The following ERVH48-1 variants were observed in gnomAD, a reference collection of about 807,000 sequenced individuals.
ERVH48-1 encodes suppressyn.
A neutral mutation model predicts 2.4 loss-of-function variants in ERVH48-1; 4 were observed. The observed-to-expected ratio is 1.68, with a 90% CI of 0.83 to 3.84. The LOEUF is 3.84. Among genes scored for constraint, ERVH48-1 ranks in the 30% most tolerant of loss-of-function variants. The pLI, the probability that ERVH48-1 is intolerant of heterozygous loss-of-function variation, is 0.01. For synonymous variants in ERVH48-1, 32 were observed against 15.5 expected (o/e 2.06, Z -2.49); for missense variants, 97 against 43.4 (o/e 2.23, Z -3.47).
chr21:42,922,365 C>T (rs1241310366), intron 1 of ERVH48-1, among the ~76,000 whole-genome samples: 1 of 151,710 alleles, frequency 6.6e-6, no homozygotes, highest in Non-Finnish European at 1.5e-5. Flanking sequence ...ACTAGGGGAA[C>T]GTGGGAGTGG....
In ERVH48-1 at chr21:42,923,247, G is replaced by T. The variant is rs553767824; in HGVS notation, c.-286+2099C>A. On this transcript the variant is annotated intron_variant, in intron 1 of 1. Coordinates refer to ENST00000447535, the MANE Select transcript of ERVH48-1 (RefSeq NM_001308491.2). Reference sequence around the variant, plus strand: ...GCAGGTGGCTTGCTAGGAGGCTCCCGTGTGGAGCTGCGGCCCCGTGGGCCT... The same window carrying T: ...GCAGGTGGCTTGCTAGGAGGCTCCCTTGTGGAGCTGCGGCCCCGTGGGCCT... 5.9e-5 allele frequency among the ~76,000 whole-genome samples: 9 copies of T among 152,384 alleles called. No individual in the cohort carries two copies. In the East Asian group the frequency reaches 1.4e-3, roughly 23 times the overall value.
rs779290911 is a variant in ERVH48-1 at position 42,917,495 on chromosome 21, G to C, written c.*1029C>G. On this transcript the variant is annotated 3_prime_UTR_variant, in exon 2 of 2. Coordinates refer to ENST00000447535, the MANE Select transcript of ERVH48-1 (RefSeq NM_001308491.2). ...GGGCTACTTTTCTGATGTTTGAAGCGATTTCCAGAACCTCTTCTCCATTAT... is the reference window on the plus strand; with the variant it reads ...GGGCTACTTTTCTGATGTTTGAAGCCATTTCCAGAACCTCTTCTCCATTAT... The C allele has an allele frequency of 6.6e-6, 1 of 152,162 alleles. No individual in the cohort carries two copies. The highest frequency in any genetic ancestry group is 2.1e-4 in the South Asian group (1 of 4,818). 9.4% of individuals were successfully genotyped at this position (152,162 alleles called of 1,614,324 possible).
chr21:42,918,894 G>A lies in ERVH48-1; in HGVS notation c.113C>T (p.Thr38Ile), dbSNP rs1281983024. 8.3e-6 allele frequency: 4 copies of A among 483,496 alleles called. No individual in the cohort carries two copies. Among genetic ancestry groups the A allele is most frequent in the Admixed American group, 4.7e-5 (2 of 42,602 alleles). The allele number at this position is 483,496 out of a possible 1,614,324, so 30.0% of individuals were successfully genotyped here. A position where few individuals can be genotyped will look rare whatever the true frequency, so the allele number is the denominator to read the frequency against. ...LILSVAVLLS[T>I]AAPPSCRECY... is the part of the protein sequence containing the mutation. ...CTCACGGCAGCTCGGAGGGGCTGCT[G>A]TGGACAGCAGGACAGCTACTGACAG... The change falls in exon 2 of 2, where the codon ACA becomes ATA. Residue 38 changes from threonine to isoleucine, a missense_variant. By Grantham distance (89) the Thr-to-Ile change is moderately conservative. Transcript: ENST00000447535.
rs1460714537 is a variant in ERVH48-1 at position 42,917,342 on chromosome 21, G to T, written c.*1182C>A. The T allele has an allele frequency of 6.6e-6, 1 of 152,116 alleles. No homozygotes were observed. The highest frequency in any genetic ancestry group is 1.5e-5 in the Non-Finnish European group (1 of 68,028). The allele number at this position is 152,116 out of a possible 1,614,324, so 9.4% of individuals were successfully genotyped here. On this transcript the variant is annotated 3_prime_UTR_variant, in exon 2 of 2. Transcript: ENST00000447535. Reference sequence around the variant, plus strand: ...AGAGTTTTAATGGGATACCACAGGGGAGAAACAGGAGGACCCCAGTGATGA... The same window carrying T: ...AGAGTTTTAATGGGATACCACAGGGTAGAAACAGGAGGACCCCAGTGATGA...
At chr21:42,925,211 C>T (rs1320027175) in intron 1 of ERVH48-1, 135 bp downstream of exon 1, 4 of 225,784 alleles carry the variant, frequency 1.8e-5, no homozygotes, top group Non-Finnish European at 3.5e-5. Flanking sequence ...TCCCAAAGTG[C>T]TGGGATTACG....
intron 1 of ERVH48-1, among the ~76,000 whole-genome samples, chr21:42,922,294 G>A (rs1275158991): frequency 6.6e-6 from 1 of 152,094 alleles, no homozygotes; most frequent in Non-Finnish European, 1.5e-5. Context: ...TTTAGGGTGG[G>A]AGGTTGCAGG....
In ERVH48-1 at chr21:42,918,175, G is replaced by C. The variant is rs1276462461; in HGVS notation, c.*349C>G. The C allele has an allele frequency of 2.9e-5, 7 of 245,236 alleles. No homozygotes were observed. The East Asian group carries it at 5.3e-4, about 19-fold the overall frequency. 15.2% of individuals were successfully genotyped at this position (245,236 alleles called of 1,614,324 possible). On this transcript the variant is annotated 3_prime_UTR_variant, in exon 2 of 2. Transcript: ENST00000447535. Reference sequence around the variant, plus strand: ...GTTAGAAGGAGACCAGGCTCCAGGGGGTAACCTTGGCCACCACTCAGCTAT... The same window carrying C: ...GTTAGAAGGAGACCAGGCTCCAGGGCGTAACCTTGGCCACCACTCAGCTAT...
In ERVH48-1 at chr21:42,918,951, T is replaced by G; in HGVS notation, c.56A>C (p.Asn19Thr). Reference protein sequence around the residue: ...FYTSLPTKSLNMGISLTTILI... With the variant: ...FYTSLPTKSLTMGISLTTILI... Reference sequence around the variant, plus strand: ...GATCGTGGTGAGGGATATTCCCATATTAAGACTTTTGGTTGGAAGAGAGGT... The same window carrying G: ...GATCGTGGTGAGGGATATTCCCATAGTAAGACTTTTGGTTGGAAGAGAGGT... Residue 19 changes from asparagine to threonine, a missense_variant, in exon 2 of 2, where the codon AAT (asparagine) becomes ACT (threonine). Coordinates refer to ENST00000447535, the MANE Select transcript of ERVH48-1 (RefSeq NM_001308491.2). The G allele has an allele frequency of 1.3e-6, 1 of 756,404 alleles. No individual in the cohort carries two copies. The highest frequency in any genetic ancestry group is 2.0e-6 in the Non-Finnish European group (1 of 501,828). 46.9% of individuals were successfully genotyped at this position (756,404 alleles called of 1,614,324 possible).
In ERVH48-1 at chr21:42,919,172, A is replaced by C. The variant is rs1322748531; in HGVS notation, c.-166T>G. 3 of 803,482 alleles carry C rather than the reference A, an allele frequency of 3.7e-6. No homozygotes were observed. In the East Asian group the frequency reaches 1.9e-4, roughly 52 times the overall value. 49.8% of individuals were successfully genotyped at this position (803,482 alleles called of 1,614,324 possible). A position where few individuals can be genotyped will look rare whatever the true frequency, so the allele number is the denominator to read the frequency against. ...AGCTTGACCCTGGTGCGATGGATCC[A>C]GTTGGGGAGTCCTCGGACTCTCACT... On this transcript the variant is annotated 5_prime_UTR_variant, in exon 2 of 2. Transcript: ENST00000447535.
Position 42,919,043 on chromosome 21 carries a change from GTTT to G in ERVH48-1, c.-40_-38del, listed in dbSNP as rs754979731. 8.2e-7 allele frequency: 1 copy of G among 1,220,834 alleles called. No individual in the cohort carries two copies. The allele number at this position is 1,220,834 out of a possible 1,614,324, so 75.6% of individuals were successfully genotyped here. ...CGTGGTTAGTCTTCCTTGTGTTTTGGTTTTAAGAAAAAAATGTTGGTTAATTTA... is the reference window on the plus strand; with the variant it reads ...CGTGGTTAGTCTTCCTTGTGTTTTGGTAAGAAAAAAATGTTGGTTAATTTA... On this transcript the variant is annotated 5_prime_UTR_variant, in exon 2 of 2. Transcript: ENST00000447535.
chr21:42,922,688 G>C (rs980198186), intron 1 of ERVH48-1, among the ~76,000 whole-genome samples: 2 of 149,188 alleles, frequency 1.3e-5, no homozygotes, highest in Non-Finnish European at 3.0e-5. Flanking sequence ...TGCAGTGAGC[G>C]GAGATTGCGC....
chr21:42,922,697 G>A (rs1433200851), intron 1 of ERVH48-1, among the ~76,000 whole-genome samples: 3 of 141,000 alleles, frequency 2.1e-5, no homozygotes, highest in Admixed American at 1.6e-4. Context: ...CGGAGATTGC[G>A]CCACTGCACT....
intron 1 of ERVH48-1, among the ~76,000 whole-genome samples, chr21:42,922,851 C>A (rs1044877423): frequency 6.6e-6 from 1 of 151,378 alleles, no homozygotes; most frequent in Non-Finnish European, 1.5e-5. Context: ...TCAATTCCCA[C>A]AACAGAGACC....
intron 1 of ERVH48-1, among the ~76,000 whole-genome samples, chr21:42,922,799 G>GGGT (rs2058810335): frequency 6.6e-6 from 1 of 151,356 alleles, no homozygotes. Flanking sequence ...GGGAGCAGAA[G>GGGT]GGTGGAGGGG....
rs1241870547 is a variant in ERVH48-1 at position 42,916,977 on chromosome 21, G to A, written c.*1547C>T. 1.3e-5 allele frequency: 2 copies of A among 152,386 alleles called. No homozygotes were observed. Among genetic ancestry groups the A allele is most frequent in the Admixed American group, 6.6e-5 (1 of 15,264 alleles). The allele number at this position is 152,386 out of a possible 1,614,324, so 9.4% of individuals were successfully genotyped here. A position where few individuals can be genotyped will look rare whatever the true frequency, so the allele number is the denominator to read the frequency against. ...GGGCGACCTCCCTCTTGATCTTCAG[G>A]GGGTACGTGTCTTCCAGCCAGCTCT... is the stretch of plus-strand genomic sequence containing the variant. On this transcript the variant is annotated 3_prime_UTR_variant, in exon 2 of 2. Coordinates refer to ENST00000447535, the MANE Select transcript of ERVH48-1 (RefSeq NM_001308491.2).
intron 1 of ERVH48-1, 40 bp from the exon 2 acceptor site, chr21:42,919,331 C>A (rs750949718): frequency 4.9e-6 from 1 of 202,074 alleles, no homozygotes; most frequent in African/African-American, 2.3e-5. Flanking sequence ...AAGGAGGTGT[C>A]GGCAGGGAGA....
intron 1 of ERVH48-1, among the ~76,000 whole-genome samples, chr21:42,922,698 C>G (rs914742147): frequency 6.8e-6 from 1 of 146,062 alleles, no homozygotes; most frequent in African/African-American, 2.6e-5. Flanking sequence ...GGAGATTGCG[C>G]CACTGCACTC....
At chr21:42,923,154 G>T (rs1384670700) in intron 1 of ERVH48-1, among the ~76,000 whole-genome samples, 12 of 152,200 alleles carry the variant, frequency 7.9e-5, no homozygotes, top group African/African-American at 2.9e-4. Context: ...GGCCTGGGGG[G>T]CTTACCTGGG....
Position 42,916,829 on chromosome 21 carries a change from G to A in ERVH48-1, c.*1695C>T, listed in dbSNP as rs533897265. The A allele has an allele frequency of 1.1e-5, 2 of 186,296 alleles. No individual in the cohort carries two copies. Among genetic ancestry groups the A allele is most frequent in the African/African-American group, 2.4e-5 (1 of 41,878 alleles). The allele number at this position is 186,296 out of a possible 1,614,324, so 11.5% of individuals were successfully genotyped here. A position where few individuals can be genotyped will look rare whatever the true frequency, so the allele number is the denominator to read the frequency against. On this transcript the variant is annotated 3_prime_UTR_variant, in exon 2 of 2. Coordinates refer to ENST00000447535, the MANE Select transcript of ERVH48-1 (RefSeq NM_001308491.2). ...GGAGCAACATGCTGTTTTAATGAGC[G>A]CCTGCATGCAGACAGGCTGAGGCCT...
Sources: allele counts gnomAD v4.1 joint callset (sites outside exome capture counted in the v4.1 genomes callset), GRCh38; gene constraint gnomAD v4.1.1; transcripts MANE v1.5; gene names NCBI Gene and HGNC (gene_info 2026-07-23, HGNC 2026-07-21).